Variants in JMJD1C observed in about 807,000 individuals in gnomAD.
JMJD1C encodes the protein jumonji domain-containing protein 1C.
Under a neutral mutation model 245.3 loss-of-function variants are expected in JMJD1C, and 31 were observed. That is an observed-to-expected ratio of 0.13 (90% CI 0.09 to 0.17). The LOEUF (loss-of-function observed/expected upper bound fraction) is 0.17, where lower values mean the gene tolerates loss of function less well. Among genes scored for constraint, JMJD1C ranks in the 10% least tolerant of loss-of-function variants. JMJD1C has a pLI of 1.00. For synonymous variants in JMJD1C, 1,057 were observed against 1,017.4 expected (o/e 1.04, Z -0.74); for missense variants, 2,691 against 3,000.2 (o/e 0.90, Z 2.41).
At chr10:63,510,590 A>C (rs556664158) in intron 1 of JMJD1C, among the ~76,000 whole-genome samples, 9 of 152,176 alleles carry the variant, frequency 5.9e-5, no homozygotes, top group East Asian at 5.8e-4. Flanking sequence ...TAGTTTGTTA[A>C]GGTTTGTTTT....
intron 2 of JMJD1C, among the ~76,000 whole-genome samples, chr10:63,331,644 G>A (rs1589499996): frequency 6.6e-6 from 1 of 152,026 alleles, no homozygotes; most frequent in African/African-American, 2.4e-5. Context: ...AGCCAGTCTC[G>A]CTCTGTTGCC....
At chr10:63,404,454 G>C (rs1387824440) in intron 1 of JMJD1C, among the ~76,000 whole-genome samples, 1 of 152,042 alleles carries the variant, frequency 6.6e-6, no homozygotes, top group East Asian at 1.9e-4. Flanking sequence ...ATGTTGCCCA[G>C]GCAGGCCTTA....
rs778270576 is a variant in JMJD1C, at chr10:63,465,695, C to A, written c.-33G>T. On this transcript the variant is annotated 5_prime_UTR_variant, in exon 1 of 26. Coordinates refer to ENST00000399262, the MANE Select transcript of JMJD1C (RefSeq NM_032776.3). ...GCTGCCGAAGCGGCCGCTGCCTCCT[C>A]CAGTGCGAGGGAACCGATGAAACCT... 1.7e-5 allele frequency: 27 copies of A among 1,602,884 alleles called. No individual in the cohort carries two copies. Among genetic ancestry groups the A allele is most frequent in the Non-Finnish European group, 2.2e-5 (26 of 1,179,222 alleles).
At chr10:63,453,390 G>T (rs1227375359) in intron 1 of JMJD1C, among the ~76,000 whole-genome samples, 1 of 152,122 alleles carries the variant, frequency 6.6e-6, no homozygotes, top group African/African-American at 2.4e-5. Context: ...GAACAGATTT[G>T]CTTACCTATT....
chr10:63,375,953 A>G (rs1946707138), intron 2 of JMJD1C, among the ~76,000 whole-genome samples: 1 of 152,160 alleles, frequency 6.6e-6, no homozygotes, highest in African/African-American at 2.4e-5. Flanking sequence ...TGAAATTCAT[A>G]CAGAATCTCA....
chr10:63,391,769 T>C (rs766097188), intron 1 of JMJD1C, among the ~76,000 whole-genome samples: 1 of 152,030 alleles, frequency 6.6e-6, no homozygotes, highest in African/African-American at 2.4e-5. Flanking sequence ...ACCAACATCA[T>C]TTTTCACAGA....
At chr10:63,507,659 A>AAAAAAAAAAAC (rs1554955187) in intron 1 of JMJD1C, among the ~76,000 whole-genome samples, 3 of 150,568 alleles carry the variant, frequency 2.0e-5, no homozygotes, top group Admixed American at 6.6e-5. Context: ...AAAAAAAAAA[A>AAAAAAAAAAAC]AAAACAGTGG....
intron 5 of JMJD1C, among the ~76,000 whole-genome samples, chr10:63,216,076 C>T (rs898135301): frequency 6.6e-6 from 1 of 151,930 alleles, no homozygotes; most frequent in Non-Finnish European, 1.5e-5. Context: ...TAGAAAAAGA[C>T]AAAAATTGTG....
intron 1 of JMJD1C, among the ~76,000 whole-genome samples, chr10:63,435,440 T>G (rs1391801820): frequency 6.6e-6 from 1 of 152,188 alleles, no homozygotes; most frequent in African/African-American, 2.4e-5. Flanking sequence ...AAGATTATAG[T>G]AAACACAGAT....
chr10:63,343,298 G>A (rs1016936157), intron 2 of JMJD1C, among the ~76,000 whole-genome samples: 23 of 151,904 alleles, frequency 1.5e-4, no homozygotes, highest in Admixed American at 1.0e-3. Context: ...CCCAGAAAGT[G>A]GAGGACACAG....
At chr10:63,191,599 A>C (rs1452193751) in intron 16 of JMJD1C, among the ~76,000 whole-genome samples, 1 of 152,156 alleles carries the variant, frequency 6.6e-6, no homozygotes, top group Non-Finnish European at 1.5e-5. Context: ...AATGGATTCA[A>C]ACAATCTAAA....
intron 2 of JMJD1C, among the ~76,000 whole-genome samples, chr10:63,319,439 T>TC (rs1940570986): frequency 1.3e-5 from 2 of 152,016 alleles, no homozygotes; most frequent in Non-Finnish European, 2.9e-5. Flanking sequence ...CTTTAACGTA[T>TC]GTTGTGTTTC....
chr10:63,329,716 T>A (rs982476735), intron 2 of JMJD1C, among the ~76,000 whole-genome samples: 2 of 152,206 alleles, frequency 1.3e-5, no homozygotes, highest in African/African-American at 4.8e-5. Flanking sequence ...ATACTTTGAA[T>A]TCTAATATTT....
intron 1 of JMJD1C, among the ~76,000 whole-genome samples, chr10:63,447,623 AAC>A (rs1951793815): frequency 6.6e-6 from 1 of 152,192 alleles, no homozygotes; most frequent in South Asian, 2.1e-4. Flanking sequence ...TAATAAAGGT[AAC>A]AGTTTATAAC....
At chr10:63,361,958 G>C (rs1004389183) in intron 2 of JMJD1C, among the ~76,000 whole-genome samples, 2 of 152,012 alleles carry the variant, frequency 1.3e-5, no homozygotes, top group Admixed American at 1.3e-4. Context: ...TTTGGGCCAA[G>C]CACAGTGGTT....
At chr10:63,301,345 T>C (rs1482041356) in intron 2 of JMJD1C, among the ~76,000 whole-genome samples, 1 of 152,294 alleles carries the variant, frequency 6.6e-6, no homozygotes, top group East Asian at 1.9e-4. Context: ...ACATGCACAG[T>C]GTACAAACAT....
intron 2 of JMJD1C, among the ~76,000 whole-genome samples, chr10:63,275,090 G>T (rs1026984084): frequency 1.3e-5 from 2 of 152,102 alleles, no homozygotes; most frequent in East Asian, 1.9e-4. Flanking sequence ...TTTAATGTTA[G>T]AAATACTCTC....
chr10:63,371,453 T>C (rs970090437), intron 2 of JMJD1C, among the ~76,000 whole-genome samples: 9 of 152,224 alleles, frequency 5.9e-5, no homozygotes, highest in African/African-American at 2.2e-4. Flanking sequence ...GGTTGTTCCA[T>C]TTTTCTTTTC....
intron 1 of JMJD1C, among the ~76,000 whole-genome samples, chr10:63,387,075 A>G (rs1947665706): frequency 6.6e-6 from 1 of 152,064 alleles, no homozygotes; most frequent in African/African-American, 2.4e-5. Flanking sequence ...TAATGCCTAA[A>G]AAAATCACAT....
Sources: allele counts gnomAD v4.1 joint callset (sites outside exome capture counted in the v4.1 genomes callset), GRCh38; gene constraint gnomAD v4.1.1; transcripts MANE v1.5; gene names NCBI Gene and HGNC (gene_info 2026-07-23, HGNC 2026-07-21).